MSRA: variants seen among roughly 807,000 people sequenced by gnomAD.
The protein encoded by MSRA is mitochondrial peptide methionine sulfoxide reductase.
Under a neutral mutation model 31.3 loss-of-function variants are expected in MSRA, and 54 were observed. That is an observed-to-expected ratio of 1.73 (90% CI 1.39 to 2.17). The LOEUF is 2.17. Ranked by LOEUF, MSRA falls within the 30% of genes most tolerant of loss-of-function variation. MSRA has a pLI of 0.00. For synonymous variants in MSRA, 169 were observed against 116.5 expected, an observed-to-expected ratio of 1.45 and a Z score of -2.90; for missense variants, 507 against 300.9, an observed-to-expected ratio of 1.69 and a Z score of -5.07.
chr8:10,257,266 G>A (rs115349710), intron 3 of MSRA, among the ~76,000 whole-genome samples: 5,332 of 152,076 alleles, frequency 0.035, 290 homozygotes, highest in African/African-American at 0.12. Flanking sequence ...GGCCCTCTCC[G>A]TCTCCACAAA....
chr8:10,282,754 A>AT (rs1799689624), intron 3 of MSRA, among the ~76,000 whole-genome samples: 1 of 152,176 alleles, frequency 6.6e-6, no homozygotes, highest in African/African-American at 2.4e-5. Flanking sequence ...TAATCTTGAA[A>AT]ATATACCTTC....
chr8:10,109,797 G>A (rs1800150096), intron 1 of MSRA, among the ~76,000 whole-genome samples: 1 of 152,184 alleles, frequency 6.6e-6, no homozygotes, highest in Admixed American at 6.5e-5. Flanking sequence ...ATGGTTGTTT[G>A]ATGTCTTTTT....
intron 4 of MSRA, among the ~76,000 whole-genome samples, chr8:10,305,541 G>A (rs1448100385): frequency 6.6e-6 from 1 of 151,582 alleles, no homozygotes; most frequent in Admixed American, 6.6e-5. Context: ...AGCCTCCTGA[G>A]TAGCTTGGAT....
intron 1 of MSRA, among the ~76,000 whole-genome samples, chr8:10,172,380 G>A (rs928932524): frequency 2.6e-5 from 4 of 152,124 alleles, no homozygotes; most frequent in African/African-American, 9.7e-5. Context: ...TGGCTCCTGG[G>A]CTTCATTCTG....
At chr8:10,338,003 T>G (rs1803165049) in intron 5 of MSRA, among the ~76,000 whole-genome samples, 1 of 151,834 alleles carries the variant, frequency 6.6e-6, no homozygotes, top group Non-Finnish European at 1.5e-5. Context: ...ATAGAAGATA[T>G]GAGAAATGAA....
chr8:10,298,839 A>G lies in MSRA; in HGVS notation c.332-2695A>G, dbSNP rs923468570. Among the ~76,000 whole-genome samples the G allele has an allele frequency of 3.3e-5, 5 of 152,210 alleles. No individual in the cohort carries two copies. The East Asian group carries it at 7.7e-4, about 23-fold the overall frequency. On this transcript the variant is annotated intron_variant, in intron 3 of 5. Transcript: ENST00000317173. The stretch of plus-strand genomic sequence containing the variant: ...TTCTTATAAGTATTCTACCATTGTA[A>G]TAATGACAGAGTGAATTTTTTGTGC...
chr8:10,075,497 T>G (rs1797956572), intron 1 of MSRA, among the ~76,000 whole-genome samples: 1 of 152,244 alleles, frequency 6.6e-6, no homozygotes, highest in African/African-American at 2.4e-5. Context: ...TTCTGCATTA[T>G]GATTCATGTT....
Position 10,097,463 on chromosome 8 carries a change from T to C in MSRA, c.142+42805T>C, listed in dbSNP as rs147146306. Among the ~76,000 whole-genome samples, 343 of 152,286 alleles carry C rather than the reference T, an allele frequency of 2.3e-3. 16 individuals carry two copies. In the East Asian group the frequency reaches 0.057, roughly 26 times the overall value. Reference sequence around the variant, plus strand: ...TTTGAATTGATTACAGGATCATTCATGCTTATACTAAAAAACAACAATATA... The same window carrying C: ...TTTGAATTGATTACAGGATCATTCACGCTTATACTAAAAAACAACAATATA... On this transcript the variant is annotated intron_variant, in intron 1 of 5. Transcript: ENST00000317173.
chr8:10,321,721 A>G (rs1802053054), intron 5 of MSRA, among the ~76,000 whole-genome samples: 1 of 152,330 alleles, frequency 6.6e-6, no homozygotes, highest in African/African-American at 2.4e-5. Flanking sequence ...GCCAGTTGCC[A>G]CGTCATGAAG....
At chr8:10,343,266 A>G (rs1461239325) in intron 5 of MSRA, among the ~76,000 whole-genome samples, 34 of 152,192 alleles carry the variant, frequency 2.2e-4, no homozygotes, top group Admixed American at 2.1e-3. Context: ...CACCGTCTCT[A>G]TCTGCCTTCA....
chr8:10,337,469 A>G (rs888326285), intron 5 of MSRA: 9 of 486,096 alleles, frequency 1.9e-5, no homozygotes, highest in East Asian at 3.7e-5. Flanking sequence ...GTGAGCCACC[A>G]CGCCCGGCCA....
chr8:10,272,047 C>A (rs1283462355), intron 3 of MSRA, among the ~76,000 whole-genome samples: 3 of 152,196 alleles, frequency 2.0e-5, no homozygotes, highest in Non-Finnish European at 4.4e-5. Context: ...TAGCCCCTTT[C>A]TTTCTTCAGT....
chr8:10,285,740 G>A (rs748554429), intron 3 of MSRA, among the ~76,000 whole-genome samples: 3 of 151,624 alleles, frequency 2.0e-5, no homozygotes, highest in Admixed American at 1.3e-4. Flanking sequence ...GAGAACATGC[G>A]GTATTTATCT....
chr8:10,182,754 G>A (rs1251342336), intron 1 of MSRA, among the ~76,000 whole-genome samples: 1 of 152,084 alleles, frequency 6.6e-6, no homozygotes, highest in African/African-American at 2.4e-5. Flanking sequence ...CCAGTTTTTT[G>A]TCACATGGGC....
At chr8:10,255,796 G>GT (rs1165052650) in intron 3 of MSRA, among the ~76,000 whole-genome samples, 4 of 104,270 alleles carry the variant, frequency 3.8e-5, no homozygotes, top group East Asian at 4.3e-4. Flanking sequence ...GGAGGCTGCT[G>GT]GTTTTTTTTT....
chr8:10,398,595 G>C (rs1341468983), intron 5 of MSRA, among the ~76,000 whole-genome samples: 1 of 152,194 alleles, frequency 6.6e-6, no homozygotes, highest in African/African-American at 2.4e-5. Flanking sequence ...CTGTGCTGGG[G>C]AGATGCTGCC....
At chr8:10,348,951 G>A (rs1217779660) in intron 5 of MSRA, among the ~76,000 whole-genome samples, 1 of 152,134 alleles carries the variant, frequency 6.6e-6, no homozygotes, top group Non-Finnish European at 1.5e-5. Context: ...TGCCAGCTTG[G>A]TATTTTGGTC....
chr8:10,419,953 C>T (rs192632284), intron 5 of MSRA, among the ~76,000 whole-genome samples: 82 of 152,214 alleles, frequency 5.4e-4, no homozygotes, highest in African/African-American at 1.7e-3. Context: ...ACAGGGTCAG[C>T]GCTGGAAGCT....
intron 2 of MSRA, among the ~76,000 whole-genome samples, chr8:10,219,805 C>CAAAAAAAAAAAAA (rs202000887): frequency 2.6e-4 from 12 of 46,072 alleles, no homozygotes; most frequent in African/African-American, 2.0e-3. Context: ...GACTCTGTCT[C>CAAAAAAAAAAAAA]CAAAAAAAAA....
Sources: gnomAD v4.1 joint callset for allele counts (sites outside exome capture counted in the v4.1 genomes callset) on GRCh38, gnomAD v4.1.1 for gene constraint, MANE v1.5 for transcripts, NCBI Gene and HGNC (gene_info 2026-07-23, HGNC 2026-07-21) for gene names.